The following DCLK1 variants were observed in gnomAD, a reference collection of about 807,000 sequenced individuals.
DCLK1 encodes doublecortin like kinase 1.
DCLK1 carries 16 observed loss-of-function variants against 86.2 expected under a neutral mutation model. That is an observed-to-expected ratio of 0.19 (90% confidence interval 0.13 to 0.28). The LOEUF (loss-of-function observed/expected upper bound fraction) is 0.28. Ranked by LOEUF, DCLK1 falls within the 10% of genes least tolerant of loss-of-function variation. The pLI, the probability that DCLK1 is intolerant of heterozygous loss-of-function variation, is 1.00. For synonymous variants in DCLK1, 369 were observed against 370.5 expected, an observed-to-expected ratio of 1.00 and a Z score of 0.05; for missense variants, 590 against 940.2, an observed-to-expected ratio of 0.63 and a Z score of 4.87.
chr13:36,061,727 A>C lies in DCLK1; in HGVS notation c.723+50142T>G, dbSNP rs367547857. 2.6e-5 allele frequency among the ~76,000 whole-genome samples: 4 copies of C among 152,218 alleles called. No homozygotes were observed. In the East Asian group the frequency reaches 7.7e-4, roughly 29 times the overall value. ...ATATAATTTGGCTCAACTTAAATATAATTTGGCTCAACTTAGTGTTTGACA... is the reference window on the plus strand; with the variant it reads ...ATATAATTTGGCTCAACTTAAATATCATTTGGCTCAACTTAGTGTTTGACA... On this transcript the variant is annotated intron_variant, in intron 3 of 16. Coordinates refer to ENST00000360631, the MANE Select transcript of DCLK1 (RefSeq NM_001330071.2).
chr13:35,955,722 C>T (rs1877943133), intron 3 of DCLK1, among the ~76,000 whole-genome samples: 1 of 152,034 alleles, frequency 6.6e-6, no homozygotes, highest in Non-Finnish European at 1.5e-5. Flanking sequence ...ATGGACCTAC[C>T]AATGCTTACC....
chr13:35,808,416 C>T (rs2087073648), intron 13 of DCLK1, 96 bp from the exon 14 acceptor site: 5 of 977,292 alleles, frequency 5.1e-6, no homozygotes, highest in Admixed American at 3.7e-5. Flanking sequence ...TCCTTTCCCC[C>T]CATAAATGTG....
chr13:35,822,130 T>G (rs1165363047), intron 11 of DCLK1, among the ~76,000 whole-genome samples: 1 of 152,124 alleles, frequency 6.6e-6, no homozygotes, highest in African/African-American at 2.4e-5. Context: ...AAACTTCTTT[T>G]TACTTTTCTT....
chr13:35,922,408 C>T (rs1028243605), intron 4 of DCLK1, among the ~76,000 whole-genome samples: 4 of 152,120 alleles, frequency 2.6e-5, no homozygotes, highest in East Asian at 1.9e-4. Context: ...TTCAGAGCTA[C>T]GCATGCAGCA....
intron 2 of DCLK1, among the ~76,000 whole-genome samples, chr13:36,118,990 C>T (rs890382069): frequency 6.6e-6 from 1 of 152,202 alleles, no homozygotes; most frequent in Non-Finnish European, 1.5e-5. Context: ...ATAAACTAAT[C>T]ACCTACCAAA....
At chr13:35,808,915 C>T in intron 13 of DCLK1, 103 bp downstream of exon 13, 1 of 920,030 alleles carries the variant, frequency 1.1e-6, no homozygotes, top group South Asian at 2.4e-5. Context: ...AGTTCTTGTG[C>T]TCTTTTCCTG....
intron 6 of DCLK1, chr13:35,850,387 T>C: frequency 2.0e-6 from 2 of 1,020,786 alleles, no homozygotes; most frequent in Non-Finnish European, 2.3e-6. Context: ...AAATTCTGGC[T>C]CTATATTGCC....
chr13:35,961,212 G>A (rs546046641), intron 3 of DCLK1, among the ~76,000 whole-genome samples: 3 of 152,190 alleles, frequency 2.0e-5, no homozygotes, highest in Non-Finnish European at 4.4e-5. Flanking sequence ...CAGGATGATT[G>A]AAAGAATTTG....
chr13:36,119,018 C>T (rs1885889181), intron 2 of DCLK1, among the ~76,000 whole-genome samples: 1 of 152,164 alleles, frequency 6.6e-6, no homozygotes, highest in South Asian at 2.1e-4. Flanking sequence ...CCCCTTAATA[C>T]CTTTACATGT....
chr13:35,862,032 CAAAAAAA>C (rs36091477), intron 5 of DCLK1, among the ~76,000 whole-genome samples: 1 of 71,138 alleles, frequency 1.4e-5, no homozygotes, highest in East Asian at 4.7e-4. Flanking sequence ...GACTCCGTCT[CAAAAAAA>C]AAAAAAAAAA....
At chr13:35,854,379 T>C (rs1450524134) in intron 6 of DCLK1, 120 bp downstream of exon 6, 13 of 659,420 alleles carry the variant, frequency 2.0e-5, no homozygotes, top group Middle Eastern at 4.0e-4. Flanking sequence ...CCCTCATTGG[T>C]CACCTCCTGT....
chr13:36,020,113 C>T (rs1011826052), intron 3 of DCLK1, among the ~76,000 whole-genome samples: 33 of 152,132 alleles, frequency 2.2e-4, no homozygotes, highest in East Asian at 3.9e-4. Context: ...CCTTTTGCCA[C>T]GATTGGACAC....
chr13:36,114,832 G>C (rs563271557), intron 2 of DCLK1, among the ~76,000 whole-genome samples: 2 of 152,320 alleles, frequency 1.3e-5, no homozygotes, highest in East Asian at 3.9e-4. Context: ...TGATTGTTCT[G>C]AATGGGAAGA....
At chr13:35,892,225 G>T (rs1183392124) in intron 4 of DCLK1, among the ~76,000 whole-genome samples, 1 of 152,090 alleles carries the variant, frequency 6.6e-6, no homozygotes, top group Non-Finnish European at 1.5e-5. Flanking sequence ...GACTTTGCTT[G>T]CTTCATACAT....
intron 4 of DCLK1, among the ~76,000 whole-genome samples, chr13:35,919,550 C>T (rs1875660938): frequency 6.6e-6 from 1 of 152,104 alleles, no homozygotes; most frequent in East Asian, 1.9e-4. Flanking sequence ...TTCTTGGAAC[C>T]CCAGAGAACG....
chr13:36,042,451 C>A (rs1008508509), intron 3 of DCLK1, among the ~76,000 whole-genome samples: 4 of 152,164 alleles, frequency 2.6e-5, no homozygotes, highest in African/African-American at 9.7e-5. Context: ...ACATTCTCCA[C>A]CTCCTATCCA....
intron 4 of DCLK1, among the ~76,000 whole-genome samples, chr13:35,902,127 C>T (rs1281171839): frequency 6.6e-6 from 1 of 152,152 alleles, no homozygotes; most frequent in Non-Finnish European, 1.5e-5. Context: ...TGATTCAATG[C>T]ATTTTAAGTT....
chr13:36,027,301 T>A (rs914806676), intron 3 of DCLK1, among the ~76,000 whole-genome samples: 4 of 152,222 alleles, frequency 2.6e-5, no homozygotes, highest in Non-Finnish European at 5.9e-5. Context: ...ACAATAGGGT[T>A]CACACTCCTG....
chr13:35,871,008 A>G (rs1872236698), intron 5 of DCLK1, among the ~76,000 whole-genome samples: 1 of 152,238 alleles, frequency 6.6e-6, no homozygotes, highest in Non-Finnish European at 1.5e-5. Context: ...GGGTTTCCTG[A>G]GTCCTCACTA....
Sources: gnomAD v4.1 joint callset for allele counts (sites outside exome capture counted in the v4.1 genomes callset) on GRCh38, gnomAD v4.1.1 for gene constraint, MANE v1.5 for transcripts, NCBI Gene and HGNC (gene_info 2026-07-23, HGNC 2026-07-21) for gene names.